Variants in ZNF90 observed in about 807,000 individuals in gnomAD.
ZNF90 encodes the protein zinc finger protein HTF9.
ZNF90 carries 11 observed loss-of-function variants against 12.0 expected under a neutral mutation model. That is an observed-to-expected ratio of 0.92 (90% confidence interval 0.58 to 1.52). The LOEUF (loss-of-function observed/expected upper bound fraction) is 1.52, where lower values mean the gene tolerates loss of function less well. ZNF90 is among the 40% of genes most tolerant of loss of function. The pLI is 0.00. For missense variants in ZNF90, 765 were observed against 711.5 expected, an observed-to-expected ratio of 1.08 and a Z score of -0.86; for synonymous variants, 232 against 240.1, an observed-to-expected ratio of 0.97 and a Z score of 0.31.
intron 1 of ZNF90, among the ~76,000 whole-genome samples, chr19:20,098,686 G>GC (rs2088966861): frequency 1.3e-5 from 2 of 152,242 alleles, no homozygotes; most frequent in South Asian, 4.1e-4. Flanking sequence ...TGGGCCATGA[G>GC]CCCAGGGTCA....
At chr19:20,088,989 C>G (rs1303441101) in intron 1 of ZNF90, among the ~76,000 whole-genome samples, 1 of 152,094 alleles carries the variant, frequency 6.6e-6, no homozygotes, top group African/African-American at 2.4e-5. Flanking sequence ...GTACATGTGC[C>G]TGTCCAATTA....
rs1555704366 is a variant in ZNF90, at chr19:20,106,044, C to CATTTTTTTTTTTTTTTTTTT, written c.226+728_226+729insATTTTTTTTTTTTTTTTTTT. Among the ~76,000 whole-genome samples, 5 of 71,040 alleles carry CATTTTTTTTTTTTTTTTTTT rather than the reference C, an allele frequency of 7.0e-5. 1 individual carries two copies. The highest frequency in any genetic ancestry group is 2.7e-4 in the African/African-American group (5 of 18,768). 46.6% of individuals were successfully genotyped at this position (71,040 alleles called of 152,430 possible). A position where few individuals can be genotyped will look rare whatever the true frequency, so the allele number is the denominator to read the frequency against. On this transcript the variant is annotated intron_variant, in intron 3 of 3. Coordinates refer to ENST00000418063, the MANE Select transcript of ZNF90 (RefSeq NM_007138.2). ...TTATTTGGAACTTCTCTAATTTTTT[C>CATTTTTTTTTTTTTTTTTTT]TTTTTTTTTTTTTTTTTTTTTTTGG... is the stretch of plus-strand genomic sequence containing the variant.
intron 1 of ZNF90, among the ~76,000 whole-genome samples, chr19:20,096,731 G>A (rs1455191789): frequency 2.6e-5 from 4 of 152,136 alleles, no homozygotes; most frequent in Admixed American, 6.5e-5. Flanking sequence ...GGGCATATAC[G>A]TGCAGGTCAC....
chr19:20,121,023 A>G lies in ZNF90; in HGVS notation c.*1663A>G, dbSNP rs924545676. 1 of 154,286 alleles carries G rather than the reference A, an allele frequency of 6.5e-6. No homozygotes were observed. Among genetic ancestry groups the G allele is most frequent in the African/African-American group, 2.4e-5 (1 of 41,476 alleles). 9.6% of individuals were successfully genotyped at this position (154,286 alleles called of 1,614,324 possible). A position where few individuals can be genotyped will look rare whatever the true frequency, so the allele number is the denominator to read the frequency against. On this transcript the variant is annotated 3_prime_UTR_variant, in exon 4 of 4. Coordinates refer to ENST00000418063, the MANE Select transcript of ZNF90 (RefSeq NM_007138.2). ...TGGACAGGCTGTTCGTATTTGACCT[A>G]TATTAAGTAATGTATAAGGTAGTGT...
At chr19:20,113,617 C>T (rs938927068) in intron 3 of ZNF90, among the ~76,000 whole-genome samples, 1 of 152,058 alleles carries the variant, frequency 6.6e-6, no homozygotes, top group Admixed American at 6.5e-5. Flanking sequence ...ATCATGAGGT[C>T]AGGAAATTGA....
chr19:20,097,437 G>T (rs1236968094), intron 1 of ZNF90, among the ~76,000 whole-genome samples: 1 of 152,146 alleles, frequency 6.6e-6, no homozygotes, highest in Admixed American at 6.5e-5. Flanking sequence ...TTCTAGAGAG[G>T]CTAGATCAGA....
chr19:20,099,424 T>A (rs911830103), intron 1 of ZNF90, among the ~76,000 whole-genome samples: 1 of 152,220 alleles, frequency 6.6e-6, no homozygotes, highest in Non-Finnish European at 1.5e-5. Flanking sequence ...TGTGGTTTTT[T>A]CCCTCAATCA....
At chr19:20,102,283 G>A (rs1555703969) in intron 1 of ZNF90, among the ~76,000 whole-genome samples, 1 of 152,124 alleles carries the variant, frequency 6.6e-6, no homozygotes, top group African/African-American at 2.4e-5. Context: ...AGGGTCGTTA[G>A]TCATCCCTAG....
intron 1 of ZNF90, among the ~76,000 whole-genome samples, chr19:20,101,492 G>T (rs1264965208): frequency 2.6e-5 from 4 of 152,238 alleles, no homozygotes; most frequent in African/African-American, 9.6e-5. Flanking sequence ...GTCTGTGCTA[G>T]AAAAGGGCAC....
In ZNF90 at chr19:20,119,722, C is replaced by G; in HGVS notation, c.*362C>G. ...TGCAACCTCTTCCTCCTGGTTCAAGCCATTAACCTGCTTCAGCCTCCACCA... is the reference window on the plus strand; with the variant it reads ...TGCAACCTCTTCCTCCTGGTTCAAGGCATTAACCTGCTTCAGCCTCCACCA... On this transcript the variant is annotated 3_prime_UTR_variant, in exon 4 of 4. Coordinates refer to ENST00000418063, the MANE Select transcript of ZNF90 (RefSeq NM_007138.2). 2 of 178,966 alleles carry G rather than the reference C, an allele frequency of 1.1e-5. 1 individual carries two copies. Among genetic ancestry groups the G allele is most frequent in the South Asian group, 2.5e-4 (2 of 8,120 alleles). 11.1% of individuals were successfully genotyped at this position (178,966 alleles called of 1,614,324 possible). A position where few individuals can be genotyped will look rare whatever the true frequency, so the allele number is the denominator to read the frequency against.
At chr19:20,090,436 A>T (rs1555702630) in intron 1 of ZNF90, among the ~76,000 whole-genome samples, 1 of 152,110 alleles carries the variant, frequency 6.6e-6, no homozygotes, top group African/African-American at 2.4e-5. Flanking sequence ...TAGGAGGAAG[A>T]GGAGGGATTA....
At chr19:20,088,695 C>A (rs1036382793) in intron 1 of ZNF90, among the ~76,000 whole-genome samples, 1 of 152,116 alleles carries the variant, frequency 6.6e-6, no homozygotes. Context: ...TTTTGGAGGA[C>A]AACTGCAGCT....
intron 3 of ZNF90, among the ~76,000 whole-genome samples, chr19:20,112,812 C>G (rs781997600): frequency 6.6e-6 from 1 of 151,900 alleles, no homozygotes; most frequent in Non-Finnish European, 1.5e-5. Context: ...TCAAGTACTT[C>G]TGTATTTCTT....
rs1205503940 is a variant in ZNF90 at position 20,119,077 on chromosome 19, C to T, written c.1523C>T (p.Pro508Leu). Residue 508 changes from proline (P) to leucine (L), a missense_variant, in exon 4 of 4, where the codon CCC (proline) becomes CTC (leucine). By Grantham distance (98) the Pro-to-Leu change is moderately conservative. Coordinates refer to ENST00000418063, the MANE Select transcript of ZNF90 (RefSeq NM_007138.2). Reference sequence around the variant, plus strand: ...AAGATAATTCACAGTGGAGAGAATCCCTACAAATGTGAAGAATGTGGCAAA... The same window carrying T: ...AAGATAATTCACAGTGGAGAGAATCTCTACAAATGTGAAGAATGTGGCAAA... ...THKIIHSGEN[P>L]YKCEECGKAF... 6.2e-7 allele frequency: 1 copy of T among 1,612,174 alleles called. No homozygotes were observed. Among genetic ancestry groups the T allele is most frequent in the African/African-American group, 1.3e-5 (1 of 74,802 alleles).
At chr19:20,078,243 C>G (rs1403365494) in intron 1 of ZNF90, 108 bp downstream of exon 1, 2 of 1,422,962 alleles carry the variant, frequency 1.4e-6, no homozygotes, top group Admixed American at 1.8e-5. Context: ...CCACAATCTG[C>G]GACCGACTTC....
intron 1 of ZNF90, among the ~76,000 whole-genome samples, chr19:20,096,644 T>C (rs891890934): frequency 6.6e-5 from 10 of 152,108 alleles, no homozygotes; most frequent in Non-Finnish European, 1.5e-4. Context: ...TACACTTCTG[T>C]GGTGGAATGT....
Position 20,118,037 on chromosome 19 carries a change from C to T in ZNF90, c.483C>T (p.Asn161=). ...VKVSHIFSNS[N]RHKIRDTGKK... ...TCTCTCATATATTTTCAAATTCAAA[C>T]AGACATAAGATAAGAGATACTGGAA... The change falls in exon 4 of 4, where the codon AAC becomes AAT. Residue 161 remains asparagine (N), a synonymous_variant. Transcript: ENST00000418063. 6.2e-7 allele frequency: 1 copy of T among 1,611,710 alleles called. No individual in the cohort carries two copies. Among genetic ancestry groups the T allele is most frequent in the Middle Eastern group, 1.7e-4 (1 of 6,058 alleles).
At chr19:20,085,594 A>G (rs1164159577) in intron 1 of ZNF90, among the ~76,000 whole-genome samples, 2 of 152,176 alleles carry the variant, frequency 1.3e-5, no homozygotes, top group Admixed American at 6.5e-5. Context: ...TAAGTTTCAT[A>G]TAATATCTTT....
intron 1 of ZNF90, among the ~76,000 whole-genome samples, chr19:20,088,569 GTT>G: frequency 6.6e-6 from 1 of 152,234 alleles, no homozygotes; most frequent in East Asian, 1.9e-4. Context: ...CTATCCTTGA[GTT>G]TTTTTATGTT....
Sources: gnomAD v4.1 joint callset for allele counts (sites outside exome capture counted in the v4.1 genomes callset) on GRCh38, gnomAD v4.1.1 for gene constraint, MANE v1.5 for transcripts, NCBI Gene and HGNC (gene_info 2026-07-23, HGNC 2026-07-21) for gene names.